Variants in FAT1 observed in about 807,000 individuals in gnomAD.
The protein encoded by FAT1 is FAT atypical cadherin 1.
Under a neutral mutation model 329.8 loss-of-function variants are expected in FAT1, and 171 were observed. The ratio of observed to expected loss-of-function variants is 0.52; its 90% CI spans 0.46 to 0.59. The LOEUF is 0.59. FAT1 is among the 20% of genes least tolerant of loss of function. The pLI is 0.00. For synonymous variants in FAT1, 2,233 were observed against 2,228.6 expected (o/e 1.00, Z -0.06); for missense variants, 5,672 against 5,774.4 (o/e 0.98, Z 0.57).
At chr4:186,628,386 T>C (rs1336313901) in intron 8 of FAT1, 22 bp from the exon 9 acceptor site, 2 of 1,610,826 alleles carry the variant, frequency 1.2e-6, no homozygotes, top group Non-Finnish European at 1.7e-6. Flanking sequence ...TGACACATTA[T>C]CAATCCCATT....
At chr4:186,652,754 T>C (rs1741725242) in intron 3 of FAT1, among the ~76,000 whole-genome samples, 1 of 152,208 alleles carries the variant, frequency 6.6e-6, no homozygotes, top group Admixed American at 6.5e-5. Flanking sequence ...CTATTTCCTA[T>C]TGCAGTTTGT....
At chr4:186,598,221 T>C in intron 22 of FAT1, 96 bp from the exon 23 acceptor site, 1 of 1,206,846 alleles carries the variant, frequency 8.3e-7, no homozygotes, top group Non-Finnish European at 1.1e-6. Context: ...CTCCGAGGTC[T>C]GTAAAAGCTC....
At chr4:186,658,353 T>G (rs986941720) in intron 3 of FAT1, among the ~76,000 whole-genome samples, 4 of 152,152 alleles carry the variant, frequency 2.6e-5, no homozygotes, top group African/African-American at 9.7e-5. Context: ...TCACTCAAAC[T>G]TGTGGTTTAG....
intron 1 of FAT1, among the ~76,000 whole-genome samples, chr4:186,713,533 A>G (rs936490534): frequency 6.6e-6 from 1 of 152,106 alleles, no homozygotes; most frequent in Non-Finnish European, 1.5e-5. Flanking sequence ...CCCTCCCTGT[A>G]CTGTATTCTT....
chr4:186,706,071 A>C (rs1394023155), intron 2 of FAT1, among the ~76,000 whole-genome samples: 1 of 152,170 alleles, frequency 6.6e-6, no homozygotes, highest in Non-Finnish European at 1.5e-5. Context: ...GTACTAAGTG[A>C]AGACCACATT....
intron 11 of FAT1, 28 bp from the exon 12 acceptor site, chr4:186,614,372 C>A: frequency 6.8e-7 from 1 of 1,460,026 alleles, no homozygotes; most frequent in Non-Finnish European, 9.1e-7. Flanking sequence ...AAAAACGTTA[C>A]ATAAAAGCAT....
In FAT1 at chr4:186,719,537, C is replaced by T. The variant is rs894119690; in HGVS notation, c.-19+4127G>A. On this transcript the variant is annotated intron_variant, in intron 1 of 26. Coordinates refer to ENST00000441802, the MANE Select transcript of FAT1 (RefSeq NM_005245.4). ...CTCTTCCAGTTATTTTCCAATCTCA[C>T]CACTTCCCAAATCAACCAAGTTTGC... 2.6e-5 allele frequency among the ~76,000 whole-genome samples: 4 copies of T among 152,284 alleles called. No homozygotes were observed. In the East Asian group the frequency reaches 5.8e-4, roughly 22 times the overall value.
Position 186,603,490 on chromosome 4 carries a change from T to A in FAT1, c.11036A>T (p.Gln3679Leu), listed in dbSNP as rs751497113. The change falls in exon 19 of 27, where the codon CAG (glutamine) becomes CTG (leucine). Residue 3679 changes from glutamine (Q) to leucine (L), a missense_variant. This residue lies in a region of FAT1 where 1,706 missense variants were observed against 1,859.1 expected (regional missense o/e 0.92). Transcript: ENST00000441802. ...NILGVRRNDIQIVSLQSSEPH... is the reference protein window; with the variant it reads ...NILGVRRNDILIVSLQSSEPH... ...TTCAGAGGACTGCAAACTAACAATC[T>A]GTATGTCGTTCCTCCTCACACCCAG... is the stretch of plus-strand genomic sequence containing the variant. 1.9e-6 allele frequency: 3 copies of A among 1,614,002 alleles called. No individual in the cohort carries two copies. Among genetic ancestry groups the A allele is most frequent in the Non-Finnish European group, 2.5e-6 (3 of 1,179,892 alleles).
At chr4:186,621,849 A>C (rs1049364461) in intron 9 of FAT1, 74 bp from the exon 10 acceptor site, 2 of 896,372 alleles carry the variant, frequency 2.2e-6, no homozygotes, top group Non-Finnish European at 3.2e-6. Flanking sequence ...GAGAAACAGA[A>C]ACAAAGTATC....
In FAT1 at chr4:186,618,225, A is replaced by G. The variant is rs2126492600; in HGVS notation, c.8361T>C (p.His2787=). 1 of 1,613,028 alleles carries G rather than the reference A, an allele frequency of 6.2e-7. No homozygotes were observed. The highest frequency in any genetic ancestry group is 8.5e-7 in the Non-Finnish European group (1 of 1,179,026). The change falls in exon 10 of 27, where the codon CAT becomes CAC. Residue 2787 remains histidine (H), a synonymous_variant. Transcript: ENST00000441802. ...SILARCTQDD[H]EMVASVDVSI... ...TAACATCTACAGAAGCCACCATCTC[A>G]TGGTCATCTTGAGTGCACCTGGCCA...
rs375313680 is a variant in FAT1, at chr4:186,618,789, G to C, written c.7797C>G (p.Thr2599=). 3 of 1,613,988 alleles carry C rather than the reference G, an allele frequency of 1.9e-6. No homozygotes were observed. Among genetic ancestry groups the C allele is most frequent in the Non-Finnish European group, 2.5e-6 (3 of 1,179,886 alleles). The part of the protein sequence containing the change: ...DNDNAPQFRA[T]KYEVNIGSSA... ...TGGACCCGATATTCACTTCGTATTT[G>C]GTTGCTCGAAATTGTGGTGCATTGT... is the stretch of plus-strand genomic sequence containing the variant. Residue 2599 remains threonine, a synonymous_variant, in exon 10 of 27, where the codon ACC becomes ACG. Coordinates refer to ENST00000441802, the MANE Select transcript of FAT1 (RefSeq NM_005245.4).
chr4:186,617,733 G>A lies in FAT1; in HGVS notation c.8853C>T (p.Asn2951=), dbSNP rs2126487342. 1.3e-6 allele frequency: 2 copies of A among 1,589,292 alleles called. No homozygotes were observed. Among genetic ancestry groups the A allele is most frequent in the Non-Finnish European group, 1.7e-6 (2 of 1,166,882 alleles). The change falls in exon 10 of 27, where the codon AAC becomes AAT. Residue 2951 remains asparagine, a synonymous_variant. Coordinates refer to ENST00000441802, the MANE Select transcript of FAT1 (RefSeq NM_005245.4). ...STTDADSEEI[N]RQVTYFITGG... is the part of the protein sequence containing the mutation. ...CTGTTATGAAATATGTAACTTGTCT[G>A]TTGATCTCTTCAGAATCAGCATCCG...
intron 2 of FAT1, among the ~76,000 whole-genome samples, chr4:186,701,427 A>C (rs1414664219): frequency 6.6e-6 from 1 of 152,168 alleles, no homozygotes; most frequent in East Asian, 1.9e-4. Context: ...AGGAGAACAT[A>C]AAGAGCCAAG....
Position 186,609,224 on chromosome 4 carries a change from T to G in FAT1, c.10165A>C (p.Arg3389=). 1 of 1,614,030 alleles carries G rather than the reference T, an allele frequency of 6.2e-7. No homozygotes were observed. Among genetic ancestry groups the G allele is most frequent in the African/African-American group, 1.3e-5 (1 of 75,060 alleles). ...AGTTTGGTCACTTTGACTTCTCCCC[T>G]GACGGGGTCAATTGTGAACGAGCTT... ...QGSSFTIDPV[R]GEVKVTKLLD... is the part of the protein sequence containing the mutation. The change falls in exon 16 of 27, where the codon AGG becomes CGG. Residue 3389 remains arginine (R), a synonymous_variant. Coordinates refer to ENST00000441802, the MANE Select transcript of FAT1 (RefSeq NM_005245.4).
intron 9 of FAT1, among the ~76,000 whole-genome samples, chr4:186,625,725 A>G (rs887090720): frequency 3.9e-5 from 6 of 152,292 alleles, no homozygotes; most frequent in Admixed American, 2.6e-4. Flanking sequence ...TCTTCCCAAC[A>G]TTTCATCACT....
rs555898160 is a variant in FAT1 at position 186,617,013 on chromosome 4, A to C, written c.9067T>G (p.Cys3023Gly). 5.0e-6 allele frequency: 8 copies of C among 1,612,010 alleles called. No homozygotes were observed. The highest frequency in any genetic ancestry group is 3.4e-5 in the Admixed American group (2 of 59,570). Residue 3023 changes from cysteine (C) to glycine (G), a missense_variant, in exon 11 of 27, where the codon TGT becomes GGT. By Grantham distance (159) the Cys-to-Gly change is radical. This residue lies in a region of FAT1 where 3,966 missense variants were observed against 3,915.2 expected (regional missense o/e 1.01). Transcript: ENST00000441802. ...AGGGAAGAGCTGCTTACCTTTTCAC[A>C]AACTGGACTGTTGTCATTTGCATCC... ...VLDANDNSPVCEKTLYSDTIP... is the reference protein window; with the variant it reads ...VLDANDNSPVGEKTLYSDTIP...
rs767217120 is a variant in FAT1 at position 186,597,802 on chromosome 4, A to T, written c.12258-10T>A. The T allele has an allele frequency of 1.9e-6, 3 of 1,608,478 alleles. No individual in the cohort carries two copies. Among genetic ancestry groups the T allele is most frequent in the Non-Finnish European group, 2.6e-6 (3 of 1,174,968 alleles). On this transcript the variant is annotated splice_polypyrimidine_tract_variant and intron_variant, in intron 23 of 26. Coordinates refer to ENST00000441802, the MANE Select transcript of FAT1 (RefSeq NM_005245.4). The stretch of plus-strand genomic sequence containing the variant: ...TGGACTAAGCTGACACCTGAAGAGT[A>T]AGGAGAAACAGACATAAACCTCATG...
upstream of FAT1, among the ~76,000 whole-genome samples, chr4:186,725,498 G>A (rs1003279509): frequency 4.0e-5 from 6 of 151,688 alleles, no homozygotes; most frequent in Admixed American, 6.6e-5. The surrounding 1 kb of genome is among the most constrained non-coding windows in gnomAD (Gnocchi z 5.4). Flanking sequence ...TTTTACATCT[G>A]TCTGGGAATC....
Position 186,620,957 on chromosome 4 carries a change from G to C in FAT1, c.5629C>G (p.Pro1877Ala), listed in dbSNP as rs373490272. ...TCATATAATGGCTTGGCAAACACAG[G>C]GGGGCAGTCATTAATGTCAATTACA... Reference protein sequence around the residue: ...VHVIDINDCPPVFAKPLYEAS... With the variant: ...VHVIDINDCPAVFAKPLYEAS... Residue 1877 changes from proline to alanine, a missense_variant, in exon 10 of 27, where the codon CCT (proline) becomes GCT (alanine). Around this residue, in one of 2 missense-constraint regions of FAT1, gnomAD observed 3,966 missense variants for 3,915.2 expected, o/e 1.01. Transcript: ENST00000441802. 112 of 1,613,660 alleles carry C rather than the reference G, an allele frequency of 6.9e-5. No individual in the cohort carries two copies. Among genetic ancestry groups the C allele is most frequent in the Non-Finnish European group, 9.1e-5 (107 of 1,179,900 alleles).
Sources: gnomAD v4.1 joint callset for allele counts (sites outside exome capture counted in the v4.1 genomes callset) on GRCh38, gnomAD v4.1.1 for gene constraint, gnomAD v4.1.1 regional missense constraint, Gnocchi (gnomAD v3.1) non-coding constraint, MANE v1.5 for transcripts, NCBI Gene and HGNC (gene_info 2026-07-23, HGNC 2026-07-21) for gene names.